The following NMBR variants were observed in gnomAD, a reference collection of about 807,000 sequenced individuals.
NMBR encodes the protein neuromedin B receptor.
NMBR carries 16 observed loss-of-function variants against 20.5 expected under a neutral mutation model. That is an observed-to-expected ratio of 0.78 (90% CI 0.53 to 1.19). The LOEUF is 1.19. Among genes scored for constraint, NMBR ranks in the 50% most tolerant of loss-of-function variants. The pLI is 0.00. For missense variants in NMBR, 582 were observed against 499.1 expected, an observed-to-expected ratio of 1.17 and a Z score of -1.58; for synonymous variants, 212 against 196.6, an observed-to-expected ratio of 1.08 and a Z score of -0.65.
At chr6:142,099,292 T>A (rs866754839) in intron 1 of NMBR, among the ~76,000 whole-genome samples, 4 of 152,238 alleles carry the variant, frequency 2.6e-5, no homozygotes, top group Middle Eastern at 6.8e-3. Flanking sequence ...TGAGACTGGG[T>A]AATTTATAAA....
chr6:142,078,370 C>T (rs1776995090), intron 3 of NMBR, among the ~76,000 whole-genome samples, 185 bp downstream of exon 3: 1 of 152,180 alleles, frequency 6.6e-6, no homozygotes, highest in Non-Finnish European at 1.5e-5. Context: ...TGAACCTAAG[C>T]AGGCCTTTGC....
At chr6:142,085,414 C>T (rs981873998) in intron 2 of NMBR, among the ~76,000 whole-genome samples, 2 of 152,060 alleles carry the variant, frequency 1.3e-5, no homozygotes, top group African/African-American at 4.8e-5. Context: ...ATCTCAGCTA[C>T]TCAGGAGGTT....
chr6:142,119,909 A>G (rs1455367450), intron 1 of NMBR, among the ~76,000 whole-genome samples: 1 of 151,990 alleles, frequency 6.6e-6, no homozygotes, highest in African/African-American at 2.4e-5. Flanking sequence ...CATTTTAAGT[A>G]TAAAGTCATA....
At chr6:142,099,989 T>C (rs1286842273) in intron 1 of NMBR, among the ~76,000 whole-genome samples, 2 of 152,152 alleles carry the variant, frequency 1.3e-5, no homozygotes, top group African/African-American at 4.8e-5. Flanking sequence ...CATTAAGCAA[T>C]TGCAAATTAA....
At chr6:142,079,396 A>G (rs1777047087) in intron 2 of NMBR, among the ~76,000 whole-genome samples, 1 of 152,182 alleles carries the variant, frequency 6.6e-6, no homozygotes, top group Admixed American at 6.5e-5. Context: ...ACAAAAAGAG[A>G]GAGAAAAATA....
intron 1 of NMBR, among the ~76,000 whole-genome samples, chr6:142,113,140 G>A (rs952289260): frequency 1.3e-5 from 2 of 151,824 alleles, no homozygotes; most frequent in Non-Finnish European, 2.9e-5. Context: ...ATTAAGCTTA[G>A]CATTTGGAAA....
Position 142,096,923 on chromosome 6 carries a change from G to A in NMBR, c.-663-7602C>T, listed in dbSNP as rs1242358500. On this transcript the variant is annotated intron_variant, in intron 1 of 3. Transcript: ENST00000258042. Reference sequence around the variant, plus strand: ...GTTGAATTGATCCCTTTACCATTATGTAATGGCCTTCTTTGTCTCTATTGA... The same window carrying A: ...GTTGAATTGATCCCTTTACCATTATATAATGGCCTTCTTTGTCTCTATTGA... 2.0e-5 allele frequency among the ~76,000 whole-genome samples: 3 copies of A among 151,998 alleles called. No homozygotes were observed. The East Asian group carries it at 5.8e-4, about 29-fold the overall frequency.
At chr6:142,146,437 A>T (rs225623) in intron 1 of NMBR, among the ~76,000 whole-genome samples, 61,645 of 151,952 alleles carry the variant, frequency 0.41, 13,063 homozygotes, top group Middle Eastern at 0.57. Flanking sequence ...GATATAAGTA[A>T]GGGATGGAGA....
At chr6:142,099,358 G>A (rs1433904230) in intron 1 of NMBR, among the ~76,000 whole-genome samples, 1 of 152,110 alleles carries the variant, frequency 6.6e-6, no homozygotes, top group Non-Finnish European at 1.5e-5. Flanking sequence ...GCATGACTGG[G>A]AGGCCTCAGG....
At chr6:142,122,846 T>C (rs1423384355) in intron 1 of NMBR, among the ~76,000 whole-genome samples, 1 of 151,926 alleles carries the variant, frequency 6.6e-6, no homozygotes, top group African/African-American at 2.4e-5. Flanking sequence ...AAAGGATTCC[T>C]TTCAAAATAT....
At chr6:142,094,108 C>A (rs1002885200) in intron 1 of NMBR, among the ~76,000 whole-genome samples, 1 of 151,960 alleles carries the variant, frequency 6.6e-6, no homozygotes, top group Non-Finnish European at 1.5e-5. Flanking sequence ...GTTGCCTGTT[C>A]ACTCTGATGG....
At position 142,075,182 on chromosome 6, in the gene NMBR, A is replaced by G. The variant is rs1201822104; in HGVS notation, c.*466T>C. On this transcript the variant is annotated 3_prime_UTR_variant, in exon 4 of 4. Coordinates refer to ENST00000258042, the MANE Select transcript of NMBR (RefSeq NM_002511.4). ...ACCAGGACAATCTGACTTGTATTTC[A>G]AATAATAGGAGTTTGAATATTACCC... 6.6e-6 allele frequency among the ~76,000 whole-genome samples: 1 copy of G among 152,024 alleles called. No individual in the cohort carries two copies. The highest frequency in any genetic ancestry group is 1.5e-5 in the Non-Finnish European group (1 of 67,988).
At chr6:142,084,948 C>T (rs1207413548) in intron 2 of NMBR, among the ~76,000 whole-genome samples, 1 of 152,058 alleles carries the variant, frequency 6.6e-6, no homozygotes, top group Non-Finnish European at 1.5e-5. Flanking sequence ...AGAAACATGA[C>T]AGAATATAGA....
intron 2 of NMBR, among the ~76,000 whole-genome samples, chr6:142,080,509 C>T (rs751315979): frequency 1.3e-5 from 2 of 151,850 alleles, no homozygotes; most frequent in South Asian, 4.2e-4. Flanking sequence ...GAGGTTTTGC[C>T]ATGCTGCTCA....
At chr6:142,096,865 G>C (rs1318619199) in intron 1 of NMBR, among the ~76,000 whole-genome samples, 2 of 151,534 alleles carry the variant, frequency 1.3e-5, no homozygotes, top group Non-Finnish European at 2.9e-5. Flanking sequence ...CCTGTATTGG[G>C]TGCATATATA....
intron 1 of NMBR, among the ~76,000 whole-genome samples, chr6:142,140,854 A>G (rs991930000): frequency 7.2e-5 from 11 of 152,188 alleles, no homozygotes; most frequent in Non-Finnish European, 1.6e-4. Context: ...GACATTTCAT[A>G]ATGATGAAAG....
chr6:142,084,711 C>G (rs771586291), intron 2 of NMBR, among the ~76,000 whole-genome samples: 1 of 152,008 alleles, frequency 6.6e-6, no homozygotes, highest in Non-Finnish European at 1.5e-5. Context: ...TAATAATGTG[C>G]CATCAGAGGC....
intron 2 of NMBR, among the ~76,000 whole-genome samples, chr6:142,083,732 A>C (rs1582837350): frequency 6.6e-6 from 1 of 150,638 alleles, no homozygotes; most frequent in African/African-American, 2.4e-5. Context: ...CTTCCCCTTC[A>C]CCCTTCTGCC....
intron 1 of NMBR, among the ~76,000 whole-genome samples, chr6:142,116,161 A>G (rs980733334): frequency 2.6e-5 from 4 of 151,854 alleles, no homozygotes; most frequent in African/African-American, 9.7e-5. Flanking sequence ...TGTAAGTCCA[A>G]TTAAACCTCT....
Sources: gnomAD v4.1 joint callset for allele counts (sites outside exome capture counted in the v4.1 genomes callset) on GRCh38, gnomAD v4.1.1 for gene constraint, MANE v1.5 for transcripts, NCBI Gene and HGNC (gene_info 2026-07-23, HGNC 2026-07-21) for gene names.